PLCG2: variants seen among roughly 807,000 people sequenced by gnomAD.
The protein encoded by PLCG2 is phospholipase C gamma 2, also known as 1-phosphatidylinositol 4,5-bisphosphate phosphodiesterase gamma-2.
In PLCG2, 69 loss-of-function variants were observed where a neutral mutation model predicts 175.6. That is an observed-to-expected ratio of 0.39 (90% CI 0.32 to 0.48). The LOEUF (loss-of-function observed/expected upper bound fraction) is 0.48. PLCG2 is among the 20% of genes least tolerant of loss of function. The pLI, the probability that PLCG2 is intolerant of heterozygous loss-of-function variation, is 0.91. For synonymous variants in PLCG2, 827 were observed against 624.0 expected, an observed-to-expected ratio of 1.33 and a Z score of -4.85; for missense variants, 1,798 against 1,650.9, an observed-to-expected ratio of 1.09 and a Z score of -1.54.
At position 81,882,413 on chromosome 16, in the gene PLCG2, G is replaced by A. The variant is rs368290525; in HGVS notation, c.693-856G>A. On this transcript the variant is annotated intron_variant, in intron 8 of 32. Coordinates refer to ENST00000564138, the MANE Select transcript of PLCG2 (RefSeq NM_002661.5). ...CCTGGAGTCTGGTGGGGCCTCATGT[G>A]GCTCCCACTCCAGAGCACTCAATGA... Among the ~76,000 whole-genome samples the A allele has an allele frequency of 1.4e-3, 212 of 152,200 alleles. No homozygotes were observed. The Middle Eastern group carries it at 0.031, about 22-fold the overall frequency.
chr16:81,885,464 C>T (rs1908314750), intron 9 of PLCG2, among the ~76,000 whole-genome samples: 1 of 152,206 alleles, frequency 6.6e-6, no homozygotes, highest in Admixed American at 6.5e-5. Flanking sequence ...GTGCCCGGCC[C>T]ACTTTGCCAG....
chr16:81,880,921 A>G lies in PLCG2; in HGVS notation c.660A>G (p.Glu220=), dbSNP rs1024971897. The G allele has an allele frequency of 2.5e-6, 4 of 1,614,024 alleles. No homozygotes were observed. The highest frequency in any genetic ancestry group is 2.7e-5 in the African/African-American group (2 of 74,926). Residue 220 remains glutamate (E), a synonymous_variant, in exon 8 of 33, where the codon GAA becomes GAG. Transcript: ENST00000564138. Reference sequence around the variant, plus strand: ...GCTTTCCATTTCAGATTCTCGATGAATTCAAAAAGGATTCGTCCGTGTTCA... The same window carrying G: ...GCTTTCCATTTCAGATTCTCGATGAGTTCAAAAAGGATTCGTCCGTGTTCA... ...MFEQQKSILD[E]FKKDSSVFIL...
chr16:81,937,732 C>G (rs541722735), intron 27 of PLCG2, 26 bp from the exon 28 acceptor site: 29 of 1,607,722 alleles, frequency 1.8e-5, no homozygotes, highest in Admixed American at 3.4e-5. Context: ...GCCTGACTTA[C>G]AGCAGGCGTT....
At chr16:81,741,535 C>T (rs575205879) in intron 1 of PLCG2, among the ~76,000 whole-genome samples, 17 of 152,262 alleles carry the variant, frequency 1.1e-4, no homozygotes, top group South Asian at 2.1e-4. Context: ...TCAGGCCAGA[C>T]GTGGTGGCTC....
At chr16:81,851,682 T>C (rs1206322761) in intron 2 of PLCG2, among the ~76,000 whole-genome samples, 1 of 152,212 alleles carries the variant, frequency 6.6e-6, no homozygotes, top group Non-Finnish European at 1.5e-5. Flanking sequence ...CCAGCTACTT[T>C]TTGTATTCTT....
intron 9 of PLCG2, among the ~76,000 whole-genome samples, chr16:81,888,774 CAT>C (rs1413044532): frequency 6.6e-6 from 1 of 152,216 alleles, no homozygotes; most frequent in Non-Finnish European, 1.5e-5. Flanking sequence ...AAAGAGCTAT[CAT>C]AGGGCAGGAG....
At chr16:81,796,719 C>T (rs887050323) in intron 2 of PLCG2, among the ~76,000 whole-genome samples, 2 of 152,092 alleles carry the variant, frequency 1.3e-5, no homozygotes, top group African/African-American at 4.8e-5. Context: ...GAGAGAAGGC[C>T]ATGTGAAGAC....
At chr16:81,858,096 G>C (rs200594841) in intron 3 of PLCG2, 167 bp from the exon 4 acceptor site, 4 of 347,374 alleles carry the variant, frequency 1.2e-5, no homozygotes, top group African/African-American at 8.9e-5. Context: ...CAAAAAGCAG[G>C]TCCTAGGGCC....
intron 18 of PLCG2, among the ~76,000 whole-genome samples, chr16:81,911,088 C>G (rs1026338591): frequency 3.3e-5 from 5 of 152,014 alleles, no homozygotes; most frequent in Non-Finnish European, 1.5e-5. Flanking sequence ...AAGAGTCTCC[C>G]GCTGATTTTT....
At chr16:81,900,945 G>T (rs974409981) in intron 14 of PLCG2, among the ~76,000 whole-genome samples, 165 bp downstream of exon 14, 13 of 152,230 alleles carry the variant, frequency 8.5e-5, no homozygotes, top group African/African-American at 2.9e-4. Flanking sequence ...CTTAGGCAAA[G>T]TCATTAACCT....
chr16:81,890,098 A>T (rs1028440593), intron 10 of PLCG2, among the ~76,000 whole-genome samples: 1 of 152,162 alleles, frequency 6.6e-6, no homozygotes, highest in African/African-American at 2.4e-5. Context: ...AGGTAGAGCC[A>T]TGCGAACGCC....
At chr16:81,851,920 T>C (rs959408402) in intron 2 of PLCG2, 1 of 152,390 alleles carries the variant, frequency 6.6e-6, no homozygotes, top group Admixed American at 6.5e-5. Context: ...TCTAACTTAA[T>C]TGTCTGCTCT....
chr16:81,793,722 C>A (rs900467776), intron 2 of PLCG2, among the ~76,000 whole-genome samples: 2 of 152,186 alleles, frequency 1.3e-5, no homozygotes, highest in Non-Finnish European at 2.9e-5. Flanking sequence ...AATGAATGCT[C>A]ACTGTGTCCT....
chr16:81,839,283 T>C (rs1236173189), intron 2 of PLCG2, among the ~76,000 whole-genome samples: 1 of 151,972 alleles, frequency 6.6e-6, no homozygotes, highest in East Asian at 1.9e-4. Context: ...GATAAACAAA[T>C]GTTTGCAGTT....
Position 81,908,581 on chromosome 16 carries a change from C to G in PLCG2, c.1723C>G (p.Leu575Val). 1 of 1,609,070 alleles carries G rather than the reference C, an allele frequency of 6.2e-7. No homozygotes were observed. The highest frequency in any genetic ancestry group is 8.5e-7 in the Non-Finnish European group (1 of 1,178,114). The change falls in exon 17 of 33, where the codon CTG becomes GTG. Residue 575 changes from leucine to valine, a missense_variant. Transcript: ENST00000564138. Reference protein sequence around the residue: ...ESETFPNDYTLSFWRSGRVQH... With the variant: ...ESETFPNDYTVSFWRSGRVQH... ...CGAGACCTTCCCCAATGACTACACC[C>G]TGTCCTTCTGGTAATGCCCCCGACC...
At chr16:81,775,101 C>T (rs1237443310), upstream of PLCG2, among the ~76,000 whole-genome samples, 2 of 152,176 alleles carry the variant, frequency 1.3e-5, no homozygotes, top group East Asian at 1.9e-4. Context: ...CCATGCAACT[C>T]ATGCATGTAA....
At chr16:81,791,473 T>A (rs915556344) in intron 2 of PLCG2, among the ~76,000 whole-genome samples, 2 of 152,164 alleles carry the variant, frequency 1.3e-5, no homozygotes, top group Non-Finnish European at 2.9e-5. Flanking sequence ...CTGAGGTCAT[T>A]TGGTGTCACC....
chr16:81,943,846 C>A (rs1911050008), intron 30 of PLCG2, among the ~76,000 whole-genome samples: 1 of 152,138 alleles, frequency 6.6e-6, no homozygotes, highest in South Asian at 2.1e-4. Context: ...TCCCCATAAA[C>A]CCTACCAGGA....
intron 2 of PLCG2, among the ~76,000 whole-genome samples, chr16:81,762,618 G>T (rs1910065221): frequency 6.6e-6 from 1 of 151,924 alleles, no homozygotes; most frequent in Non-Finnish European, 1.5e-5. Flanking sequence ...TTAACATAAG[G>T]AACAGAGTCC....
Sources: allele counts gnomAD v4.1 joint callset (sites outside exome capture counted in the v4.1 genomes callset), GRCh38; gene constraint gnomAD v4.1.1; transcripts MANE v1.5; gene names NCBI Gene and HGNC (gene_info 2026-07-23, HGNC 2026-07-21).